Variants in PSMG2 observed in about 807,000 individuals in gnomAD.
The protein encoded by PSMG2 is CD40 ligand-activated specific transcript 3.
In PSMG2, 21 loss-of-function variants were observed where a neutral mutation model predicts 31.5. The ratio of observed to expected loss-of-function variants is 0.67; its 90% CI spans 0.47 to 0.96. The LOEUF (loss-of-function observed/expected upper bound fraction) is 0.96, where lower values mean the gene tolerates loss of function less well. Among genes scored for constraint, PSMG2 ranks in the 40% least tolerant of loss-of-function variants. The probability of loss-of-function intolerance (pLI) is 0.00; values close to 1 mark genes in which losing one functional copy is unlikely to be tolerated. For missense variants in PSMG2, 318 were observed against 321.2 expected, an observed-to-expected ratio of 0.99 and a Z score of 0.08; for synonymous variants, 120 against 110.4, an observed-to-expected ratio of 1.09 and a Z score of -0.54.
At chr18:12,720,168 C>T (rs2040417242) in intron 4 of PSMG2, among the ~76,000 whole-genome samples, 1 of 152,144 alleles carries the variant, frequency 6.6e-6, no homozygotes, top group South Asian at 2.1e-4. Flanking sequence ...ATCACTTAGA[C>T]ACCTATAAAA....
At chr18:12,697,185 C>T in intron 1 of PSMG2, 1 of 1,300,796 alleles carries the variant, frequency 7.7e-7, no homozygotes, top group African/African-American at 1.5e-5. Flanking sequence ...TGAACTGTGG[C>T]TATAAAAAGG....
At chr18:12,674,756 A>G (rs2039060025) in intron 1 of PSMG2, 3 of 1,590,140 alleles carry the variant, frequency 1.9e-6, no homozygotes, top group Non-Finnish European at 8.6e-7. Context: ...CCAAGATCCT[A>G]TGAGCAATCA....
intron 1 of PSMG2, among the ~76,000 whole-genome samples, chr18:12,671,642 CT>C (rs869130220): frequency 0.13 from 7,300 of 55,576 alleles, 74 homozygotes; most frequent in African/African-American, 0.17. Context: ...TTCACACTTT[CT>C]TTTTTTTTTT....
rs577456183 is a variant in PSMG2 at position 12,691,049 on chromosome 18, C to A, written c.-36-15501C>A. On this transcript the variant is annotated intron_variant, in intron 1 of 6. Transcript: ENST00000585331. ...AAGCAAATACACATTCCAAGTTAAA[C>A]AAAATGGATTTTCATCTACTTTAAA... is the stretch of plus-strand genomic sequence containing the variant. Among the ~76,000 whole-genome samples, 11 of 151,390 alleles carry A rather than the reference C, an allele frequency of 7.3e-5. No homozygotes were observed. The East Asian group carries it at 1.2e-3, about 16-fold the overall frequency.
chr18:12,700,342 T>G (rs1366818515), upstream of PSMG2: 1 of 152,968 alleles, frequency 6.5e-6, no homozygotes, highest in Non-Finnish European at 1.5e-5. Flanking sequence ...GGTGCTGTAT[T>G]AAAATACTTA....
chr18:12,689,986 G>A (rs139248033), intron 1 of PSMG2, among the ~76,000 whole-genome samples: 2,738 of 152,180 alleles, frequency 0.018, 94 homozygotes, highest in African/African-American at 0.062. Flanking sequence ...ACAAGGTTTC[G>A]CCATGTTGGC....
upstream of PSMG2, chr18:12,700,042 C>A (rs938053202): frequency 6.6e-6 from 3 of 455,528 alleles, no homozygotes; most frequent in Non-Finnish European, 1.2e-5. Flanking sequence ...ATTTTCCTAG[C>A]CTAATTAAAA....
chr18:12,722,910 G>A (rs1412461324), intron 5 of PSMG2, among the ~76,000 whole-genome samples: 1 of 152,182 alleles, frequency 6.6e-6, no homozygotes, highest in Non-Finnish European at 1.5e-5. Flanking sequence ...TTCTCCAGGC[G>A]AGAGCCTTGC....
chr18:12,694,370 G>C (rs2039874895), intron 1 of PSMG2, among the ~76,000 whole-genome samples: 1 of 152,166 alleles, frequency 6.6e-6, no homozygotes, highest in Non-Finnish European at 1.5e-5. Flanking sequence ...CATTCCACAA[G>C]TGCCATCCCG....
upstream of PSMG2, chr18:12,702,452 C>T: frequency 6.5e-7 from 1 of 1,535,540 alleles, no homozygotes; most frequent in Non-Finnish European, 9.0e-7. Context: ...TATGGGTCGG[C>T]CCGGCGGTCT....
At chr18:12,713,210 A>G (rs1230229876) in intron 3 of PSMG2, among the ~76,000 whole-genome samples, 4 of 152,148 alleles carry the variant, frequency 2.6e-5, no homozygotes, top group Admixed American at 2.6e-4. Flanking sequence ...TGCCTCCCAC[A>G]AACAGCAGCA....
At chr18:12,681,724 A>G (rs1372446122) in intron 1 of PSMG2, among the ~76,000 whole-genome samples, 4 of 152,102 alleles carry the variant, frequency 2.6e-5, no homozygotes, top group Non-Finnish European at 4.4e-5. Flanking sequence ...CAACAACAAA[A>G]TGCCAACAAT....
chr18:12,699,057 G>GA, upstream of PSMG2: 1 of 1,614,034 alleles, frequency 6.2e-7, no homozygotes, highest in Non-Finnish European at 8.5e-7. Context: ...GGTTTAGAAC[G>GA]AAAACGTTGG....
chr18:12,698,922 C>T (rs2040055112), upstream of PSMG2: 2 of 1,248,704 alleles, frequency 1.6e-6, no homozygotes, highest in South Asian at 2.7e-5. Context: ...TATTGTTTCA[C>T]AATAAAACAT....
At chr18:12,703,211 C>A in intron 1 of PSMG2, 47 bp downstream of exon 1, 3 of 1,559,366 alleles carry the variant, frequency 1.9e-6, no homozygotes, top group East Asian at 2.4e-5. Context: ...GAGGCCCCTG[C>A]GGTGTCGCCA....
intron 1 of PSMG2, among the ~76,000 whole-genome samples, chr18:12,659,439 G>A (rs1401621504): frequency 1.3e-5 from 2 of 152,174 alleles, no homozygotes; most frequent in East Asian, 1.9e-4. Flanking sequence ...AGGCTGAGGC[G>A]GGCAGATCAC....
chr18:12,691,646 C>T (rs532925048), intron 1 of PSMG2, among the ~76,000 whole-genome samples: 1 of 152,080 alleles, frequency 6.6e-6, no homozygotes, highest in Admixed American at 6.6e-5. Context: ...TCTACACTTA[C>T]CCCTAGTACA....
intron 1 of PSMG2, chr18:12,661,689 C>A (rs1159048379): frequency 6.6e-6 from 1 of 152,294 alleles, no homozygotes; most frequent in African/African-American, 2.4e-5. Context: ...GCAGGAGAAT[C>A]GCTTGAACCC....
chr18:12,713,817 T>C (rs1245994116), intron 3 of PSMG2, among the ~76,000 whole-genome samples: 2 of 152,076 alleles, frequency 1.3e-5, no homozygotes, highest in Non-Finnish European at 2.9e-5. Flanking sequence ...TTAAGTGCAC[T>C]GATGTGATCT....
Sources: gnomAD v4.1 joint callset for allele counts (sites outside exome capture counted in the v4.1 genomes callset) on GRCh38, gnomAD v4.1.1 for gene constraint, MANE v1.5 for transcripts, NCBI Gene and HGNC (gene_info 2026-07-23, HGNC 2026-07-21) for gene names.